STARD13: variants seen among roughly 807,000 people sequenced by gnomAD.
STARD13 encodes StAR related lipid transfer domain containing 13, also known as stAR-related lipid transfer protein 13.
A neutral mutation model predicts 106.4 loss-of-function variants in STARD13; 62 were observed. The ratio of observed to expected loss-of-function variants is 0.58; its 90% CI spans 0.48 to 0.72. The LOEUF (loss-of-function observed/expected upper bound fraction) is 0.72, where lower values mean the gene tolerates loss of function less well. Among genes scored for constraint, STARD13 ranks in the 30% least tolerant of loss-of-function variants. STARD13 has a pLI of 0.00. For missense variants in STARD13, 1,387 were observed against 1,424.0 expected, an observed-to-expected ratio of 0.97 and a Z score of 0.42; for synonymous variants, 565 against 553.0, an observed-to-expected ratio of 1.02 and a Z score of -0.31.
intron 3 of STARD13, among the ~76,000 whole-genome samples, chr13:33,150,376 C>T (rs1426428976): frequency 6.6e-6 from 1 of 152,206 alleles, no homozygotes; most frequent in African/African-American, 2.4e-5. Context: ...TCCTGGACAA[C>T]ACTAGGGACC....
the STARD13 span, among the ~76,000 whole-genome samples, chr13:33,633,159 C>A: frequency 6.6e-6 from 1 of 152,188 alleles, no homozygotes; most frequent in Non-Finnish European, 1.5e-5. Context: ...CTGCATTTGA[C>A]CCTTGTGGGT....
At chr13:33,653,828 C>T in the STARD13 span, among the ~76,000 whole-genome samples, 17 of 152,108 alleles carry the variant, frequency 1.1e-4, no homozygotes, top group Non-Finnish European at 1.9e-4. Flanking sequence ...TACAACTCTA[C>T]AACAAAGGGA....
the STARD13 span, among the ~76,000 whole-genome samples, chr13:33,616,949 T>C: frequency 8.4e-4 from 128 of 152,312 alleles, 1 homozygote; most frequent in South Asian, 2.7e-3. Context: ...GCAAGGGGAC[T>C]TGGGTAGGGA....
the STARD13 span, among the ~76,000 whole-genome samples, chr13:33,551,471 TTAAA>T: frequency 1.3e-5 from 2 of 151,110 alleles, no homozygotes; most frequent in Non-Finnish European, 2.9e-5. Flanking sequence ...AGTAAATAGA[TTAAA>T]TACTCCAACC....
At chr13:33,617,377 T>C in the STARD13 span, among the ~76,000 whole-genome samples, 2 of 152,180 alleles carry the variant, frequency 1.3e-5, no homozygotes, top group African/African-American at 4.8e-5. Context: ...GACTACTTAA[T>C]AGTTGAAGAG....
rs535685074 is a variant in STARD13, at chr13:33,226,122, T to C, written c.170-58500A>G. Among the ~76,000 whole-genome samples, 174 of 152,336 alleles carry C rather than the reference T, an allele frequency of 1.1e-3. 1 individual carries two copies. Among genetic ancestry groups the C allele is most frequent in the African/African-American group, 4.0e-3 (167 of 41,586 alleles). Reference sequence around the variant, plus strand: ...TAGAGCCCTCACCAGAACCCAACCATGCTGGCATGCTGATATCAGACTTCC... The same window carrying C: ...TAGAGCCCTCACCAGAACCCAACCACGCTGGCATGCTGATATCAGACTTCC... On this transcript the variant is annotated intron_variant, in intron 1 of 13. Transcript: ENST00000336934.
chr13:33,173,302 T>C (rs1042601502), intron 1 of STARD13, among the ~76,000 whole-genome samples: 3 of 152,234 alleles, frequency 2.0e-5, no homozygotes, highest in African/African-American at 7.2e-5. Flanking sequence ...CCGTATTTAT[T>C]GAAGGTGTAT....
chr13:33,199,317 A>G (rs1594093984), intron 1 of STARD13, among the ~76,000 whole-genome samples: 1 of 152,226 alleles, frequency 6.6e-6, no homozygotes, highest in South Asian at 2.1e-4. Flanking sequence ...AAAAGACATT[A>G]TATGTCTCCT....
chr13:33,267,130 C>T (rs888361882), intron 1 of STARD13, among the ~76,000 whole-genome samples: 1 of 152,150 alleles, frequency 6.6e-6, no homozygotes, highest in Non-Finnish European at 1.5e-5. Context: ...CTAAACTCTC[C>T]GTAGAGGGTG....
chr13:33,550,031 A>G, the STARD13 span, among the ~76,000 whole-genome samples: 2 of 152,202 alleles, frequency 1.3e-5, no homozygotes, highest in African/African-American at 4.8e-5. Context: ...TTATTGATCC[A>G]AGAACACCCT....
At chr13:33,163,611 T>TATATATAAAACATATATATATAAC (rs1882919797) in intron 3 of STARD13, among the ~76,000 whole-genome samples, 1 of 85,006 alleles carries the variant, frequency 1.2e-5, no homozygotes, top group Non-Finnish European at 2.6e-5. Context: ...AAAAAATATA[T>TATATATAAAACATATATATATAAC]ATATATATAT....
At chr13:33,353,418 C>T (rs541394557), upstream of STARD13, among the ~76,000 whole-genome samples, 9 of 152,266 alleles carry the variant, frequency 5.9e-5, no homozygotes, top group Non-Finnish European at 7.4e-5. Context: ...CTTCCTCTGA[C>T]ACAGGCTTGT....
intron 1 of STARD13, among the ~76,000 whole-genome samples, chr13:33,179,647 G>A (rs889999367): frequency 3.3e-5 from 5 of 152,186 alleles, no homozygotes; most frequent in African/African-American, 7.2e-5. Context: ...TGAATGCAAG[G>A]CTGTGGGCAG....
At chr13:33,153,107 A>G (rs1881502414) in intron 3 of STARD13, among the ~76,000 whole-genome samples, 1 of 152,216 alleles carries the variant, frequency 6.6e-6, no homozygotes, top group Non-Finnish European at 1.5e-5. Flanking sequence ...CTTCTCTAAC[A>G]TGAAGATGCC....
rs61941426 is a variant in STARD13, at chr13:33,254,635, A to G, written c.169+30835T>C. Among the ~76,000 whole-genome samples the G allele has an allele frequency of 4.9e-3, 742 of 152,260 alleles. 1 individual carries two copies. Among genetic ancestry groups the G allele is most frequent in the Non-Finnish European group, 7.5e-3 (511 of 68,010 alleles). On this transcript the variant is annotated intron_variant, in intron 1 of 13. Transcript: ENST00000336934. ...TATCCTGTACCCATATAAATCCCGA[A>G]ACCCAGGCTCCAGAAGCAGACCTGT...
At chr13:33,607,026 T>G in the STARD13 span, among the ~76,000 whole-genome samples, 4 of 152,282 alleles carry the variant, frequency 2.6e-5, no homozygotes, top group East Asian at 3.9e-4. Flanking sequence ...GCTACCTTCA[T>G]TCCTTTTGTC....
chr13:33,634,975 A>G, the STARD13 span, among the ~76,000 whole-genome samples: 1 of 152,190 alleles, frequency 6.6e-6, no homozygotes, highest in African/African-American at 2.4e-5. Context: ...AGAGGCAGCT[A>G]TGCACCAGCT....
chr13:33,550,290 A>C, the STARD13 span, among the ~76,000 whole-genome samples: 1 of 152,198 alleles, frequency 6.6e-6, no homozygotes, highest in African/African-American at 2.4e-5. Flanking sequence ...AATTTACTGG[A>C]AAGAAATTTA....
At chr13:33,577,036 C>T in the STARD13 span, among the ~76,000 whole-genome samples, 9 of 152,298 alleles carry the variant, frequency 5.9e-5, no homozygotes, top group Non-Finnish European at 1.2e-4. Context: ...TAGGATTTCA[C>T]GTTTCACAAA....
Sources: gnomAD v4.1 joint callset for allele counts (sites outside exome capture counted in the v4.1 genomes callset) on GRCh38, gnomAD v4.1.1 for gene constraint, MANE v1.5 for transcripts, NCBI Gene and HGNC (gene_info 2026-07-23, HGNC 2026-07-21) for gene names.